Variants in ITGB8 observed in about 807,000 individuals in gnomAD.
The protein encoded by ITGB8 is integrin subunit beta 8.
ITGB8 carries 30 observed loss-of-function variants against 89.5 expected under a neutral mutation model. That is an observed-to-expected ratio of 0.34 (90% CI 0.25 to 0.45). The LOEUF (loss-of-function observed/expected upper bound fraction) is 0.45. Among genes scored for constraint, ITGB8 ranks in the 20% least tolerant of loss-of-function variants. The pLI is 1.00. For synonymous variants in ITGB8, 335 were observed against 320.4 expected, an observed-to-expected ratio of 1.05 and a Z score of -0.49; for missense variants, 836 against 933.3, an observed-to-expected ratio of 0.90 and a Z score of 1.36.
Position 20,378,751 on chromosome 7 carries a change from C to A in ITGB8, c.389-300C>A, listed in dbSNP as rs141673892. On this transcript the variant is annotated intron_variant, in intron 3 of 13. Transcript: ENST00000222573. ...TGGAGGTTCATATAATGATACAATA[C>A]CCTGTTACATTTATATGGAGCTGGC... is the stretch of plus-strand genomic sequence containing the variant. Among the ~76,000 whole-genome samples the A allele has an allele frequency of 3.9e-3, 595 of 152,210 alleles. 5 individuals are homozygous for A. Among genetic ancestry groups the A allele is most frequent in the African/African-American group, 0.013 (558 of 41,532 alleles).
intron 1 of ITGB8, among the ~76,000 whole-genome samples, chr7:20,347,169 G>A (rs1251288325): frequency 6.6e-6 from 1 of 152,200 alleles, no homozygotes. Flanking sequence ...TTCCAAAACT[G>A]CGAGAAATAA....
chr7:20,341,834 A>C (rs1784765890), intron 1 of ITGB8, among the ~76,000 whole-genome samples: 2 of 152,058 alleles, frequency 1.3e-5, no homozygotes, highest in South Asian at 4.1e-4. Flanking sequence ...CATTATGAAA[A>C]GTCAGACATC....
chr7:20,355,298 C>G (rs67199281), intron 1 of ITGB8, among the ~76,000 whole-genome samples: 36,125 of 152,138 alleles, frequency 0.24, 5,166 homozygotes, highest in Non-Finnish European at 0.32. Flanking sequence ...TGAGGCCACA[C>G]TCCCATTGCA....
chr7:20,342,397 G>A (rs1480443214), intron 1 of ITGB8, among the ~76,000 whole-genome samples: 1 of 152,176 alleles, frequency 6.6e-6, no homozygotes, highest in Non-Finnish European at 1.5e-5. Context: ...TTCCTAAGGA[G>A]GAATTTGGAT....
Position 20,409,707 on chromosome 7 carries a change from C to T in ITGB8, c.2116C>T (p.Gln706Ter). 1.9e-6 allele frequency: 3 copies of T among 1,609,530 alleles called. No homozygotes were observed. The highest frequency in any genetic ancestry group is 2.6e-6 in the Non-Finnish European group (3 of 1,176,380). ...GTTGCTTAAAGTCCTGATCATTAGA[C>T]AGGTGATACTACAATGGAATAGTAA... The part of the protein sequence containing the change: ...IGLLKVLIIR[Q>*]VILQWNSNKI... Residue 706 changes from glutamine (Q) to a stop codon, truncating the protein, a stop_gained, in exon 13 of 14, where the codon CAG becomes TAG. Coordinates refer to ENST00000222573, the MANE Select transcript of ITGB8 (RefSeq NM_002214.3). LOFTEE classifies it high-confidence loss of function.
At chr7:20,402,914 G>A (rs1339395268) in intron 10 of ITGB8, among the ~76,000 whole-genome samples, 1 of 152,204 alleles carries the variant, frequency 6.6e-6, no homozygotes, top group East Asian at 1.9e-4. Context: ...CCTGTCATCT[G>A]AGTTCTGTGA....
chr7:20,330,425 C>T (rs1266329888), upstream of ITGB8, among the ~76,000 whole-genome samples: 2 of 152,176 alleles, frequency 1.3e-5, no homozygotes, highest in African/African-American at 4.8e-5. Flanking sequence ...TTGGGGTTTG[C>T]TCGCAGCTGC....
intron 1 of ITGB8, among the ~76,000 whole-genome samples, chr7:20,342,847 C>G (rs727339): frequency 0.92 from 140,561 of 152,220 alleles, 64,969 homozygotes; most frequent in East Asian, 0.99. Flanking sequence ...CATTTGTTCG[C>G]AAGTACGGCA....
chr7:20,355,671 T>A (rs1314062262), intron 1 of ITGB8, among the ~76,000 whole-genome samples: 2 of 152,198 alleles, frequency 1.3e-5, no homozygotes, highest in Admixed American at 6.5e-5. Context: ...AGATACTTAT[T>A]TTCATTTCCA....
At chr7:20,332,929 T>A (rs1346182970) in intron 1 of ITGB8, among the ~76,000 whole-genome samples, 1 of 151,554 alleles carries the variant, frequency 6.6e-6, no homozygotes, top group Non-Finnish European at 1.5e-5. Flanking sequence ...TACTTTCTTT[T>A]TTTTTTTTTT....
At chr7:20,393,469 C>T (rs916808397) in intron 7 of ITGB8, among the ~76,000 whole-genome samples, 1 of 152,196 alleles carries the variant, frequency 6.6e-6, no homozygotes, top group African/African-American at 2.4e-5. Context: ...ATCCATCCTC[C>T]ATCTGGCTGC....
chr7:20,367,368 G>A (rs994186193), intron 3 of ITGB8, among the ~76,000 whole-genome samples, 182 bp downstream of exon 3: 3 of 152,094 alleles, frequency 2.0e-5, no homozygotes, highest in East Asian at 1.9e-4. Flanking sequence ...GTGTGTCTTC[G>A]GACACTGCAA....
At chr7:20,361,807 A>G (rs892382804) in intron 1 of ITGB8, among the ~76,000 whole-genome samples, 1 of 152,210 alleles carries the variant, frequency 6.6e-6, no homozygotes, top group African/African-American at 2.4e-5. Flanking sequence ...TTTTAGGCTA[A>G]GGAATTTTCA....
intron 6 of ITGB8, among the ~76,000 whole-genome samples, chr7:20,385,988 A>G (rs1786596177): frequency 6.6e-6 from 1 of 152,218 alleles, no homozygotes; most frequent in Admixed American, 6.5e-5. Context: ...TTCCCGACAG[A>G]GACGTGGCCT....
chr7:20,379,002 G>A, intron 3 of ITGB8, 49 bp from the exon 4 acceptor site: 1 of 1,469,054 alleles, frequency 6.8e-7, no homozygotes, highest in Non-Finnish European at 9.1e-7. Flanking sequence ...AGCTTATCCT[G>A]AAAAGTTTAA....
rs371886904 is a variant in ITGB8, at chr7:20,360,708, G to GTATA, written c.128-2918_128-2915dup. ...GGCTGAGTGGTATTCCATGGTGTGTGTATATATATATATACCAGATTTTCT... is the reference window on the plus strand; with the variant it reads ...GGCTGAGTGGTATTCCATGGTGTGTGTATATATATATATATATACCAGATTTTCT... On this transcript the variant is annotated intron_variant, in intron 1 of 13. Transcript: ENST00000222573. Among the ~76,000 whole-genome samples the GTATA allele has an allele frequency of 6.0e-5, 9 of 150,264 alleles. No individual in the cohort carries two copies. The Middle Eastern group carries it at 0.01, about 174-fold the overall frequency.
At chr7:20,396,867 G>C (rs1241767509) in intron 8 of ITGB8, among the ~76,000 whole-genome samples, 1 of 152,200 alleles carries the variant, frequency 6.6e-6, no homozygotes, top group Non-Finnish European at 1.5e-5. Context: ...CAATGCCTTA[G>C]TCCAGTGTAG....
At chr7:20,403,682 C>A in intron 10 of ITGB8, among the ~76,000 whole-genome samples, 1 of 151,572 alleles carries the variant, frequency 6.6e-6, no homozygotes, top group Non-Finnish European at 1.5e-5. Context: ...GAACAATTAC[C>A]CTGTGAGGTG....
At chr7:20,409,805 T>C in intron 13 of ITGB8, 27 bp downstream of exon 13, 1 of 1,611,454 alleles carries the variant, frequency 6.2e-7, no homozygotes, top group Non-Finnish European at 8.5e-7. Context: ...AAAGAACTGC[T>C]AACAGTATGT....
Sources: allele counts gnomAD v4.1 joint callset (sites outside exome capture counted in the v4.1 genomes callset), GRCh38; gene constraint gnomAD v4.1.1; transcripts MANE v1.5; gene names NCBI Gene and HGNC (gene_info 2026-07-23, HGNC 2026-07-21).